FZD3: variants seen among roughly 807,000 people sequenced by gnomAD.
FZD3 encodes frizzled-3.
FZD3 carries 30 observed loss-of-function variants against 60.7 expected under a neutral mutation model. The observed-to-expected ratio is 0.49, with a 90% CI of 0.37 to 0.67. The LOEUF is 0.67. Ranked by LOEUF, FZD3 falls within the 30% of genes least tolerant of loss-of-function variation. The probability of loss-of-function intolerance (pLI) is 0.00; values close to 1 mark genes in which losing one functional copy is unlikely to be tolerated. For synonymous variants in FZD3, 246 were observed against 275.2 expected (o/e 0.89, Z 1.05); for missense variants, 605 against 838.7 (o/e 0.72, Z 3.44).
rs1004194716 is a variant in FZD3 at position 28,569,060 on chromosome 8, A to G, written c.*6049A>G. The G allele has an allele frequency of 6.6e-6, 1 of 151,988 alleles. No individual in the cohort carries two copies. Among genetic ancestry groups the G allele is most frequent in the Admixed American group, 6.5e-5 (1 of 15,278 alleles). 9.4% of individuals were successfully genotyped at this position (151,988 alleles called of 1,614,324 possible). Reference sequence around the variant, plus strand: ...AAAGTTTTTTTAAGGTTGATATTTTATCATATTCCTGGAGTAGGATGGATT... The same window carrying G: ...AAAGTTTTTTTAAGGTTGATATTTTGTCATATTCCTGGAGTAGGATGGATT... On this transcript the variant is annotated 3_prime_UTR_variant, in exon 8 of 8. Transcript: ENST00000240093.
rs897667815 is a variant in FZD3 at position 28,565,172 on chromosome 8, G to A, written c.*2161G>A. The A allele has an allele frequency of 1.3e-5, 2 of 152,122 alleles. No homozygotes were observed. The highest frequency in any genetic ancestry group is 2.9e-5 in the Non-Finnish European group (2 of 68,014). 9.4% of individuals were successfully genotyped at this position (152,122 alleles called of 1,614,324 possible). On this transcript the variant is annotated 3_prime_UTR_variant, in exon 8 of 8. Transcript: ENST00000240093. Reference sequence around the variant, plus strand: ...TGTCTATTATGTTATATATTTCAAAGTACATGTATGATAATATGACTTATT... The same window carrying A: ...TGTCTATTATGTTATATATTTCAAAATACATGTATGATAATATGACTTATT...
At chr8:28,541,650 T>C (rs1805170359) in intron 5 of FZD3, among the ~76,000 whole-genome samples, 1 of 152,244 alleles carries the variant, frequency 6.6e-6, no homozygotes, top group South Asian at 2.1e-4. Flanking sequence ...CAACCTTGTT[T>C]CTGTGCTCCA....
At chr8:28,546,635 A>G (rs1021331617) in intron 5 of FZD3, among the ~76,000 whole-genome samples, 43 of 152,140 alleles carry the variant, frequency 2.8e-4, no homozygotes, top group African/African-American at 8.7e-4. Context: ...TAGAATCTTC[A>G]TACGTATATT....
At chr8:28,531,322 T>C (rs1473656680) in intron 5 of FZD3, among the ~76,000 whole-genome samples, 1 of 152,202 alleles carries the variant, frequency 6.6e-6, no homozygotes, top group Non-Finnish European at 1.5e-5. Context: ...AGAATATATA[T>C]GTTGATATGT....
chr8:28,518,285 T>A (rs1804485753), intron 3 of FZD3, among the ~76,000 whole-genome samples: 1 of 151,622 alleles, frequency 6.6e-6, no homozygotes, highest in African/African-American at 2.4e-5. Context: ...CTCAAATTCC[T>A]GAGCTCAGGT....
intron 5 of FZD3, among the ~76,000 whole-genome samples, chr8:28,549,237 C>T (rs186710173): frequency 1.4e-3 from 206 of 152,252 alleles, no homozygotes; most frequent in Non-Finnish European, 2.4e-3. Flanking sequence ...ACCCACATAA[C>T]CTTAATTACC....
chr8:28,535,907 T>G (rs1804998674), intron 5 of FZD3, among the ~76,000 whole-genome samples: 1 of 152,210 alleles, frequency 6.6e-6, no homozygotes, highest in South Asian at 2.1e-4. Context: ...TAGAAAAGAT[T>G]TTGAATTTAG....
intron 7 of FZD3, among the ~76,000 whole-genome samples, chr8:28,559,503 G>A (rs1206824521): frequency 6.6e-6 from 1 of 152,086 alleles, no homozygotes; most frequent in African/African-American, 2.4e-5. Context: ...TATATAGTAG[G>A]GGATTAACAA....
At chr8:28,551,460 G>A in intron 5 of FZD3, 143 bp from the exon 6 acceptor site, 1 of 592,824 alleles carries the variant, frequency 1.7e-6, no homozygotes, top group South Asian at 2.0e-5. Flanking sequence ...AGGTTGCAGT[G>A]AGCCAAGATC....
chr8:28,548,041 C>CG (rs1399889383), intron 5 of FZD3, among the ~76,000 whole-genome samples: 1 of 151,714 alleles, frequency 6.6e-6, no homozygotes, highest in East Asian at 1.9e-4. Context: ...TTAGTAGAGA[C>CG]GGGGTTTCAC....
At chr8:28,522,684 A>G (rs1215855022) in intron 4 of FZD3, among the ~76,000 whole-genome samples, 1 of 151,658 alleles carries the variant, frequency 6.6e-6, no homozygotes, top group African/African-American at 2.4e-5. Context: ...ATTTGTTTTG[A>G]TAGGATTAAA....
rs1805644475 is a variant in FZD3 at position 28,563,064 on chromosome 8, C to A, written c.*53C>A. The A allele has an allele frequency of 1.6e-6, 2 of 1,263,760 alleles. No individual in the cohort carries two copies. The highest frequency in any genetic ancestry group is 2.3e-6 in the Non-Finnish European group (2 of 862,432). The allele number at this position is 1,263,760 out of a possible 1,614,324, so 78.3% of individuals were successfully genotyped here. A position where few individuals can be genotyped will look rare whatever the true frequency, so the allele number is the denominator to read the frequency against. On this transcript the variant is annotated 3_prime_UTR_variant, in exon 8 of 8. Coordinates refer to ENST00000240093, the MANE Select transcript of FZD3 (RefSeq NM_017412.4). Reference sequence around the variant, plus strand: ...TGCTGTTTAAAAAGCAGATTTTATTCTTTGCCTTTTGCATGACTGATAGCT... The same window carrying A: ...TGCTGTTTAAAAAGCAGATTTTATTATTTGCCTTTTGCATGACTGATAGCT...
At chr8:28,521,465 A>T (rs1804577495) in intron 4 of FZD3, among the ~76,000 whole-genome samples, 3 of 152,134 alleles carry the variant, frequency 2.0e-5, no homozygotes, top group African/African-American at 7.2e-5. Flanking sequence ...AATAAGGTGA[A>T]TACTTATGTA....
chr8:28,555,693 A>G lies in FZD3; in HGVS notation c.1554-45A>G, dbSNP rs1215805555. On this transcript the variant is annotated intron_variant, in intron 6 of 7. Coordinates refer to ENST00000240093, the MANE Select transcript of FZD3 (RefSeq NM_017412.4). ...CAGAGAAGTATTGCTTATTGGTCTG[A>G]AGGAAGATTGGTATGTATCTTAAAC... 4 of 1,072,990 alleles carry G rather than the reference A, an allele frequency of 3.7e-6. No individual in the cohort carries two copies. The South Asian group carries it at 5.1e-5, about 14-fold the overall frequency. The allele number at this position is 1,072,990 out of a possible 1,614,324, so 66.5% of individuals were successfully genotyped here.
intron 3 of FZD3, among the ~76,000 whole-genome samples, chr8:28,508,425 CTTTTTT>C (rs35048077): frequency 7.7e-6 from 1 of 129,836 alleles, no homozygotes; most frequent in East Asian, 2.2e-4. Flanking sequence ...CTAGGGAATA[CTTTTTT>C]TTTTTTTTTT....
intron 5 of FZD3, among the ~76,000 whole-genome samples, chr8:28,551,083 T>TAG (rs1563404064): frequency 5.9e-5 from 9 of 152,104 alleles, no homozygotes; most frequent in East Asian, 3.9e-4. Context: ...CTATCATCTA[T>TAG]CTAGATAGAT....
chr8:28,540,816 G>C (rs1378495481), intron 5 of FZD3, among the ~76,000 whole-genome samples: 1 of 152,030 alleles, frequency 6.6e-6, no homozygotes, highest in African/African-American at 2.4e-5. Flanking sequence ...GTGGTGGCGG[G>C]TGCCTGTAAT....
intron 7 of FZD3, among the ~76,000 whole-genome samples, chr8:28,556,334 C>T (rs1021546662): frequency 6.6e-6 from 1 of 152,164 alleles, no homozygotes; most frequent in African/African-American, 2.4e-5. Flanking sequence ...GGTAAGCTCA[C>T]AGTCTATTTA....
In FZD3 at chr8:28,574,219, G is replaced by A. The variant is rs146529267; in HGVS notation, c.*11208G>A. 6.6e-6 allele frequency: 1 copy of A among 152,210 alleles called. No homozygotes were observed. The highest frequency in any genetic ancestry group is 1.9e-4 in the East Asian group (1 of 5,178). 9.4% of individuals were successfully genotyped at this position (152,210 alleles called of 1,614,324 possible). On this transcript the variant is annotated 3_prime_UTR_variant, in exon 8 of 8. Coordinates refer to ENST00000240093, the MANE Select transcript of FZD3 (RefSeq NM_017412.4). ...TTAAATGTAGTGGTTGTATATTTTG[G>A]TTATAAATTGGAGATTTTTAATAAA...
Sources: gnomAD v4.1 joint callset for allele counts (sites outside exome capture counted in the v4.1 genomes callset) on GRCh38, gnomAD v4.1.1 for gene constraint, MANE v1.5 for transcripts, NCBI Gene and HGNC (gene_info 2026-07-23, HGNC 2026-07-21) for gene names.